MTFR1: variants seen among roughly 807,000 people sequenced by gnomAD.
MTFR1 encodes chondrocyte protein with a poly-proline region.
Under a neutral mutation model 38.8 loss-of-function variants are expected in MTFR1, and 28 were observed. The ratio of observed to expected loss-of-function variants is 0.72; its 90% CI spans 0.53 to 0.99. MTFR1 has a LOEUF of 0.99. MTFR1 is among the 50% of genes least tolerant of loss of function. The pLI, the probability that MTFR1 is intolerant of heterozygous loss-of-function variation, is 0.00. For missense variants in MTFR1, 358 were observed against 395.5 expected, an observed-to-expected ratio of 0.91 and a Z score of 0.81; for synonymous variants, 145 against 137.0, an observed-to-expected ratio of 1.06 and a Z score of -0.41.
chr8:65,693,781 A>T, intron 4 of MTFR1, 22 bp downstream of exon 4: 2 of 1,546,590 alleles, frequency 1.3e-6, no homozygotes, highest in African/African-American at 2.7e-5. Flanking sequence ...AGGCTATCAG[A>T]ACTGAGATGC....
intron 3 of MTFR1, chr8:65,727,051 A>C: frequency 1.0e-6 from 1 of 978,684 alleles, no homozygotes; most frequent in Non-Finnish European, 1.6e-6. Context: ...AGCAATATTA[A>C]TCTGGTTAAA....
exon 3 of MTFR1, chr8:65,719,459 T>A: frequency 2.5e-6 from 4 of 1,614,018 alleles, no homozygotes. Flanking sequence ...CCTGGCCCAT[T>A]CTGTAAATAA....
intron 3 of MTFR1, among the ~76,000 whole-genome samples, chr8:65,751,345 AGAAGG>A (rs759207500): frequency 1.2e-4 from 18 of 152,326 alleles, no homozygotes; most frequent in Middle Eastern, 3.4e-3. Context: ...TTCAAAAACA[AGAAGG>A]GAGGGAAGAA....
Position 65,709,412 on chromosome 8 carries a change from AT to A in MTFR1, c.*373del. 1 of 167,154 alleles carries A rather than the reference AT, an allele frequency of 6.0e-6. No homozygotes were observed. The highest frequency in any genetic ancestry group is 1.3e-5 in the Non-Finnish European group (1 of 77,442). 10.4% of individuals were successfully genotyped at this position (167,154 alleles called of 1,614,324 possible). A position where few individuals can be genotyped will look rare whatever the true frequency, so the allele number is the denominator to read the frequency against. Reference sequence around the variant, plus strand: ...ATCTGTATAAGTGTTTTATATGCATATTTTTGGACATAAACAGTTTATGTAA... The same window carrying A: ...ATCTGTATAAGTGTTTTATATGCATATTTTGGACATAAACAGTTTATGTAA... On this transcript the variant is annotated 3_prime_UTR_variant, in exon 8 of 8. Transcript: ENST00000262146.
intron 5 of MTFR1, among the ~76,000 whole-genome samples, chr8:65,706,665 T>C (rs911356861): frequency 4.6e-5 from 7 of 152,246 alleles, no homozygotes; most frequent in African/African-American, 1.7e-4. Flanking sequence ...TGTCAAATTG[T>C]ATGTAATGTA....
chr8:65,736,768 G>C (rs1193280493), intron 3 of MTFR1, among the ~76,000 whole-genome samples: 6 of 141,988 alleles, frequency 4.2e-5, no homozygotes, highest in African/African-American at 1.6e-4. Context: ...CTTCTCAAAA[G>C]CCCTATGTAA....
At chr8:65,700,754 T>C (rs7007987) in intron 4 of MTFR1, among the ~76,000 whole-genome samples, 57,753 of 152,130 alleles carry the variant, frequency 0.38, 14,305 homozygotes, top group Non-Finnish European at 0.56. Context: ...TCTGTAGCTA[T>C]GTAAGATAGC....
chr8:65,772,529 A>G (rs187791539), downstream of MTFR1, among the ~76,000 whole-genome samples: 28 of 152,354 alleles, frequency 1.8e-4, no homozygotes, highest in African/African-American at 6.5e-4. Context: ...GAAGAGGGGT[A>G]AAAAAGGACA....
intron 4 of MTFR1, among the ~76,000 whole-genome samples, chr8:65,700,128 G>A: frequency 6.6e-6 from 1 of 151,666 alleles, no homozygotes; most frequent in South Asian, 2.1e-4. Flanking sequence ...AGGTGGGTGG[G>A]TTGCTTGACC....
rs139284403 is a variant in MTFR1 at position 65,759,288 on chromosome 8, T to C, written c.*49-11659T>C. The stretch of plus-strand genomic sequence containing the variant: ...GGGTGAGGGGCTCAGGACAGTACTA[T>C]CTCCTTAAATCTCCTGACAGATGCC... On this transcript the variant is annotated intron_variant, in intron 3 of 3. Coordinates refer to the MTFR1 transcript ENST00000521247. Among the ~76,000 whole-genome samples the C allele has an allele frequency of 3.9e-4, 60 of 152,268 alleles. 1 individual carries two copies. Among genetic ancestry groups the C allele is most frequent in the African/African-American group, 1.4e-3 (58 of 41,550 alleles).
chr8:65,741,494 T>C (rs1205324999), intron 3 of MTFR1, among the ~76,000 whole-genome samples: 2 of 152,212 alleles, frequency 1.3e-5, no homozygotes, highest in East Asian at 1.9e-4. Flanking sequence ...ATTATTTGCA[T>C]AAGCAATGAC....
At chr8:65,775,190 T>G (rs573927427), downstream of MTFR1, among the ~76,000 whole-genome samples, 2 of 152,366 alleles carry the variant, frequency 1.3e-5, no homozygotes, top group Non-Finnish European at 2.9e-5. Context: ...AATCTTTAAG[T>G]TAGCTAGCAA....
chr8:65,755,573 T>C (rs891138293), intron 3 of MTFR1, among the ~76,000 whole-genome samples: 1 of 152,240 alleles, frequency 6.6e-6, no homozygotes, highest in Non-Finnish European at 1.5e-5. Context: ...GTTACATCTT[T>C]ATATGTGTGT....
chr8:65,760,959 G>A (rs1808461796), intron 3 of MTFR1, among the ~76,000 whole-genome samples: 1 of 152,174 alleles, frequency 6.6e-6, no homozygotes, highest in Non-Finnish European at 1.5e-5. Flanking sequence ...GGGAACAAGA[G>A]TGACTATGAG....
chr8:65,746,884 A>G (rs2128906304), intron 3 of MTFR1, among the ~76,000 whole-genome samples: 1 of 152,330 alleles, frequency 6.6e-6, no homozygotes, highest in Non-Finnish European at 1.5e-5. Flanking sequence ...CTTTACCTAC[A>G]CAACTTAAAA....
the MTFR1 span, among the ~76,000 whole-genome samples, chr8:65,776,812 T>C: frequency 2.0e-5 from 3 of 152,206 alleles, no homozygotes; most frequent in Non-Finnish European, 2.9e-5. Flanking sequence ...ATAAAAATGA[T>C]ACTTTTTCTT....
At chr8:65,761,806 C>T (rs913506519) in intron 3 of MTFR1, among the ~76,000 whole-genome samples, 3 of 152,182 alleles carry the variant, frequency 2.0e-5, no homozygotes, top group Non-Finnish European at 4.4e-5. Flanking sequence ...CTTTCCCCTC[C>T]TCATATTAGA....
At chr8:65,762,841 A>G (rs926536165) in intron 3 of MTFR1, among the ~76,000 whole-genome samples, 3 of 152,186 alleles carry the variant, frequency 2.0e-5, no homozygotes, top group Admixed American at 2.0e-4. Flanking sequence ...TCATTACCAT[A>G]AAACAAGTAT....
At chr8:65,749,664 T>C (rs1022570368) in intron 3 of MTFR1, among the ~76,000 whole-genome samples, 1 of 152,220 alleles carries the variant, frequency 6.6e-6, no homozygotes, top group African/African-American at 2.4e-5. Context: ...CTTCAAAAGA[T>C]AAATAGTATG....
Sources: allele counts gnomAD v4.1 joint callset (sites outside exome capture counted in the v4.1 genomes callset), GRCh38; gene constraint gnomAD v4.1.1; transcripts MANE v1.5; gene names NCBI Gene and HGNC (gene_info 2026-07-23, HGNC 2026-07-21).